EPB41L4A: variants seen among roughly 807,000 people sequenced by gnomAD.
The protein encoded by EPB41L4A is erythrocyte membrane protein band 4.1 like 4A, also known as band 4.1-like protein 4A.
Under a neutral mutation model 108.6 loss-of-function variants are expected in EPB41L4A, and 100 were observed. The observed-to-expected ratio is 0.92, with a 90% CI of 0.78 to 1.09. EPB41L4A has a LOEUF of 1.09. EPB41L4A is among the 50% of genes least tolerant of loss of function. The probability of loss-of-function intolerance (pLI) is 0.00; values close to 1 mark genes in which losing one functional copy is unlikely to be tolerated. For synonymous variants in EPB41L4A, 319 were observed against 289.0 expected (o/e 1.10, Z -1.05); for missense variants, 1,030 against 842.7 (o/e 1.22, Z -2.75).
chr5:112,290,795 G>C (rs1387703617), intron 2 of EPB41L4A, among the ~76,000 whole-genome samples: 1 of 152,106 alleles, frequency 6.6e-6, no homozygotes, highest in African/African-American at 2.4e-5. Flanking sequence ...AGCTAACCAA[G>C]TAATCTGGCA....
At chr5:112,419,632 A>C (rs1486637230), upstream of EPB41L4A, 2 of 455,662 alleles carry the variant, frequency 4.4e-6, no homozygotes, top group Non-Finnish European at 4.4e-6. Context: ...TGTGAGGAGC[A>C]CCCACGACGC....
chr5:112,260,882 T>C (rs1268959672), intron 7 of EPB41L4A, among the ~76,000 whole-genome samples: 2 of 152,214 alleles, frequency 1.3e-5, no homozygotes, highest in Admixed American at 6.5e-5. Flanking sequence ...CTTTCAGTTC[T>C]TAAAATTCAA....
chr5:112,401,353 A>G lies in EPB41L4A; in HGVS notation c.99+17588T>C, dbSNP rs145740739. On this transcript the variant is annotated intron_variant, in intron 1 of 22. Coordinates refer to ENST00000261486, the MANE Select transcript of EPB41L4A (RefSeq NM_022140.5). ...CAAACATGCATTTAACGTATTCACT[A>G]CCCAGGATCTGAGGAATTCTTTCTT... Among the ~76,000 whole-genome samples, 8 of 152,330 alleles carry G rather than the reference A, an allele frequency of 5.3e-5. No homozygotes were observed. The East Asian group carries it at 1.3e-3, about 26-fold the overall frequency.
chr5:112,248,753 T>C (rs1750420407), intron 9 of EPB41L4A, among the ~76,000 whole-genome samples: 1 of 152,184 alleles, frequency 6.6e-6, no homozygotes, highest in South Asian at 2.1e-4. Context: ...TAGCTTCTTC[T>C]AAGGGTACTG....
chr5:112,216,347 A>C (rs1448072132), intron 12 of EPB41L4A, among the ~76,000 whole-genome samples: 1 of 152,218 alleles, frequency 6.6e-6, no homozygotes, highest in African/African-American at 2.4e-5. Context: ...ACATAAATCA[A>C]ATCTTTGATG....
chr5:112,185,743 C>A (rs928206209), intron 17 of EPB41L4A, among the ~76,000 whole-genome samples: 1 of 152,072 alleles, frequency 6.6e-6, no homozygotes, highest in Admixed American at 6.6e-5. Context: ...TTAGAAATAT[C>A]TGAAGAAAAC....
At position 112,170,375 on chromosome 5, in the gene EPB41L4A, A is replaced by C; in HGVS notation, c.1671-6T>G. 6.4e-7 allele frequency: 1 copy of C among 1,557,902 alleles called. No homozygotes were observed. Among genetic ancestry groups the C allele is most frequent in the Admixed American group, 1.7e-5 (1 of 59,172 alleles). On this transcript the variant is annotated splice_region_variant and splice_polypyrimidine_tract_variant and intron_variant, in intron 19 of 22. Coordinates refer to ENST00000261486, the MANE Select transcript of EPB41L4A (RefSeq NM_022140.5). ...ATGGATCCACAAGTTCTTTTCTGTA[A>C]AGGAATATGCAAGAAAATGATAGTT...
chr5:112,362,571 G>A lies in EPB41L4A; in HGVS notation c.100-55081C>T, dbSNP rs553587211. ...GCTGGGATTACAGGCACGAGCCACC[G>A]CACCCAGACTTAGAACATTAATTTT... On this transcript the variant is annotated intron_variant, in intron 1 of 22. Coordinates refer to ENST00000261486, the MANE Select transcript of EPB41L4A (RefSeq NM_022140.5). Among the ~76,000 whole-genome samples the A allele has an allele frequency of 4.0e-4, 61 of 152,218 alleles. 1 individual carries two copies. Among genetic ancestry groups the A allele is most frequent in the African/African-American group, 1.3e-3 (56 of 41,532 alleles).
intron 1 of EPB41L4A, among the ~76,000 whole-genome samples, chr5:112,346,661 T>C (rs1005302118): frequency 6.6e-6 from 1 of 152,206 alleles, no homozygotes; most frequent in African/African-American, 2.4e-5. Flanking sequence ...CAGTAGTTCA[T>C]AAACAGAAAC....
rs1265062699 is a variant in EPB41L4A at position 112,164,980 on chromosome 5, T to C, written c.*10A>G. The C allele has an allele frequency of 2.5e-6, 4 of 1,610,414 alleles. No individual in the cohort carries two copies. Among genetic ancestry groups the C allele is most frequent in the Non-Finnish European group, 3.4e-6 (4 of 1,178,900 alleles). On this transcript the variant is annotated 3_prime_UTR_variant, in exon 23 of 23. Transcript: ENST00000261486. The stretch of plus-strand genomic sequence containing the variant: ...ACCTTCCCACCCCTACCCTTGACCC[T>C]TCATCAGGATCAAGTCTCTGTCTTG...
intron 12 of EPB41L4A, among the ~76,000 whole-genome samples, chr5:112,231,513 C>T (rs1002642340): frequency 8.6e-5 from 13 of 151,914 alleles, no homozygotes; most frequent in African/African-American, 2.4e-4. Context: ...TGGCCGGGCG[C>T]GGTGGCTCAC....
At chr5:112,202,627 T>G (rs1762272805) in intron 15 of EPB41L4A, among the ~76,000 whole-genome samples, 1 of 152,202 alleles carries the variant, frequency 6.6e-6, no homozygotes, top group Admixed American at 6.5e-5. Context: ...TTGTTGGACC[T>G]GATCTAGCAC....
intron 20 of EPB41L4A, chr5:112,170,058 T>A (rs1488732058): frequency 2.2e-6 from 1 of 449,158 alleles, no homozygotes; most frequent in Non-Finnish European, 3.9e-6. Context: ...CTGACATTAA[T>A]CAGGAAAAGC....
At chr5:112,338,080 C>T (rs779314382) in intron 1 of EPB41L4A, among the ~76,000 whole-genome samples, 2 of 152,152 alleles carry the variant, frequency 1.3e-5, no homozygotes, top group Non-Finnish European at 2.9e-5. Flanking sequence ...GCCTCTTACC[C>T]TCCAAAATGC....
chr5:112,238,234 T>G (rs959915931), intron 11 of EPB41L4A, among the ~76,000 whole-genome samples: 3 of 152,198 alleles, frequency 2.0e-5, no homozygotes, highest in Non-Finnish European at 4.4e-5. Context: ...GTACTGACTA[T>G]TACCTGCTCT....
chr5:112,306,767 A>G (rs574888259), intron 2 of EPB41L4A, among the ~76,000 whole-genome samples: 1 of 152,254 alleles, frequency 6.6e-6, no homozygotes, highest in East Asian at 1.9e-4. Context: ...TCATCTCCAA[A>G]GTTTTTCCAT....
rs373994814 is a variant in EPB41L4A, at chr5:112,403,207, T to C, written c.99+15734A>G. The stretch of plus-strand genomic sequence containing the variant: ...CTCTGGGAATCTGTGTCTGTTTCTA[T>C]GACACTGTCAAAACCTGCTTTCCCA... On this transcript the variant is annotated intron_variant, in intron 1 of 22. Coordinates refer to ENST00000261486, the MANE Select transcript of EPB41L4A (RefSeq NM_022140.5). 3.3e-5 allele frequency among the ~76,000 whole-genome samples: 5 copies of C among 152,216 alleles called. No homozygotes were observed. The East Asian group carries it at 5.8e-4, about 18-fold the overall frequency.
intron 1 of EPB41L4A, among the ~76,000 whole-genome samples, chr5:112,389,755 C>T (rs765154793): frequency 1.3e-5 from 2 of 152,122 alleles, no homozygotes; most frequent in South Asian, 2.1e-4. Flanking sequence ...GCAAATAAAG[C>T]TAATTGAGAC....
chr5:112,251,260 G>A (rs187254566), intron 9 of EPB41L4A, among the ~76,000 whole-genome samples: 1 of 152,248 alleles, frequency 6.6e-6, no homozygotes, highest in East Asian at 1.9e-4. Context: ...CTTACCCTAT[G>A]ACCTAGCAAT....
Sources: gnomAD v4.1 joint callset for allele counts (sites outside exome capture counted in the v4.1 genomes callset) on GRCh38, gnomAD v4.1.1 for gene constraint, MANE v1.5 for transcripts, NCBI Gene and HGNC (gene_info 2026-07-23, HGNC 2026-07-21) for gene names.